The following HYAL4 variants were observed in gnomAD, a reference collection of about 807,000 sequenced individuals.
The protein encoded by HYAL4 is hyaluronidase 4.
Under a neutral mutation model 35.2 loss-of-function variants are expected in HYAL4, and 37 were observed. The observed-to-expected ratio is 1.05, with a 90% CI of 0.81 to 1.38. HYAL4 has a LOEUF of 1.38. Among genes scored for constraint, HYAL4 ranks in the 40% most tolerant of loss-of-function variants. The pLI is 0.00. For missense variants in HYAL4, 572 were observed against 572.4 expected (o/e 1.00, Z 0.01); for synonymous variants, 198 against 203.2 (o/e 0.97, Z 0.22).
At chr7:123,870,266 A>G (rs1563004612) in intron 3 of HYAL4, among the ~76,000 whole-genome samples, 1 of 152,226 alleles carries the variant, frequency 6.6e-6, no homozygotes, top group Admixed American at 6.5e-5. Flanking sequence ...TCTTTGGAAC[A>G]TAAATGGAAT....
chr7:123,869,130 T>C lies in HYAL4; in HGVS notation c.857T>C (p.Met286Thr). Residue 286 changes from methionine (M) to threonine (T), a missense_variant, in exon 3 of 5, where the codon ATG becomes ACG. Transcript: ENST00000223026. ...RFSKFRVHES[M>T]RISTMTSHDY... is the part of the protein sequence containing the mutation. ...TCCAAATTTCGGGTGCATGAATCCA[T>C]GAGGATCTCCACCATGACATCTCAT... 6.2e-7 allele frequency: 1 copy of C among 1,614,170 alleles called. No individual in the cohort carries two copies.
the HYAL4 span, among the ~76,000 whole-genome samples, chr7:123,798,243 A>G: frequency 6.6e-6 from 1 of 152,228 alleles, no homozygotes; most frequent in Non-Finnish European, 1.5e-5. Flanking sequence ...TTAAGCCAGA[A>G]GTAAGGTCAA....
intron 1 of HYAL4, among the ~76,000 whole-genome samples, chr7:123,832,146 C>T (rs1159715936): frequency 6.6e-6 from 1 of 152,110 alleles, no homozygotes; most frequent in Non-Finnish European, 1.5e-5. Flanking sequence ...GGAACTGGTT[C>T]TGCTGTGTTG....
intron 4 of HYAL4, 83 bp from the exon 5 acceptor site, chr7:123,876,671 C>G: frequency 7.3e-7 from 1 of 1,373,508 alleles, no homozygotes; most frequent in South Asian, 1.3e-5. Context: ...CTATCAGTAC[C>G]AGCGAGAAAC....
chr7:123,775,015 C>A, the HYAL4 span, among the ~76,000 whole-genome samples: 1 of 152,188 alleles, frequency 6.6e-6, no homozygotes, highest in East Asian at 1.9e-4. Context: ...GGGAAAATAT[C>A]GTTTCCACTC....
the HYAL4 span, among the ~76,000 whole-genome samples, chr7:123,805,657 T>C: frequency 6.6e-6 from 1 of 152,098 alleles, no homozygotes; most frequent in Non-Finnish European, 1.5e-5. Flanking sequence ...AGGCATGATA[T>C]TTAATAAAAA....
At chr7:123,806,064 C>G in the HYAL4 span, among the ~76,000 whole-genome samples, 28 of 152,150 alleles carry the variant, frequency 1.8e-4, no homozygotes, top group East Asian at 5.2e-3. Context: ...GTATCCAAAA[C>G]AATTTTGCAA....
At chr7:123,768,747 C>T in the HYAL4 span, among the ~76,000 whole-genome samples, 1 of 152,166 alleles carries the variant, frequency 6.6e-6, no homozygotes, top group Non-Finnish European at 1.5e-5. Context: ...AACAATTTCT[C>T]CCTGAATTTT....
rs1445214578 is a variant in HYAL4, at chr7:123,868,355, A to G, written c.82A>G (p.Ile28Val). 3 of 1,604,018 alleles carry G rather than the reference A, an allele frequency of 1.9e-6. No individual in the cohort carries two copies. The change falls in exon 3 of 5, where the codon ATT becomes GTT. Residue 28 changes from isoleucine (I) to valine (V), a missense_variant. Coordinates refer to ENST00000223026, the MANE Select transcript of HYAL4 (RefSeq NM_012269.3). ...CACTTCATGGCTCCTTATATTTTTT[A>G]TTCTAAAGTCTATCTCTTGTCTAAA... Reference protein sequence around the residue: ...HLTSWLLIFFILKSISCLKPA... With the variant: ...HLTSWLLIFFVLKSISCLKPA...
upstream of HYAL4, among the ~76,000 whole-genome samples, chr7:123,841,625 A>G (rs1317775845): frequency 2.0e-5 from 3 of 151,770 alleles, no homozygotes; most frequent in African/African-American, 7.3e-5. Flanking sequence ...CTGGTCCTGG[A>G]CTTTTTTTTG....
chr7:123,844,821 C>T (rs150306433), upstream of HYAL4, among the ~76,000 whole-genome samples: 1,584 of 152,166 alleles, frequency 0.01, 10 homozygotes, highest in Middle Eastern at 0.027. Flanking sequence ...GCTCTGTGGG[C>T]GTGGGACCCA....
In HYAL4 at chr7:123,834,524, T is replaced by C. The variant is rs960025667; in HGVS notation, c.-257+5400T>C. ...GTTTTCTAGGCATGCAGTCATATCATCAGAAAACAGTGACATTGACTTCCT... is the reference window on the plus strand; with the variant it reads ...GTTTTCTAGGCATGCAGTCATATCACCAGAAAACAGTGACATTGACTTCCT... On this transcript the variant is annotated intron_variant, in intron 1 of 4. Transcript: ENST00000489978. 5.3e-5 allele frequency among the ~76,000 whole-genome samples: 8 copies of C among 152,166 alleles called. 1 individual carries two copies. The highest frequency in any genetic ancestry group is 5.2e-4 in the Admixed American group (8 of 15,272).
At chr7:123,784,156 C>T in the HYAL4 span, among the ~76,000 whole-genome samples, 56 of 152,172 alleles carry the variant, frequency 3.7e-4, no homozygotes, top group South Asian at 1.0e-3. Context: ...TTTTAAAGTA[C>T]GTCTAGTCTT....
chr7:123,786,856 C>G, the HYAL4 span, among the ~76,000 whole-genome samples: 1 of 151,792 alleles, frequency 6.6e-6, no homozygotes, highest in East Asian at 1.9e-4. Context: ...GCCTGTAATC[C>G]CAGCACTTTG....
the HYAL4 span, among the ~76,000 whole-genome samples, chr7:123,778,594 G>A: frequency 1.3e-5 from 2 of 151,708 alleles, no homozygotes; most frequent in Non-Finnish European, 2.9e-5. Flanking sequence ...TCCTAGTGAT[G>A]AGATGCAGGT....
the HYAL4 span, among the ~76,000 whole-genome samples, chr7:123,816,942 TAGTC>T: frequency 6.6e-6 from 1 of 152,230 alleles, no homozygotes; most frequent in African/African-American, 2.4e-5. Flanking sequence ...AATGTGATAT[TAGTC>T]AGTATAATGG....
chr7:123,836,222 TA>T (rs2116910654), intron 1 of HYAL4, among the ~76,000 whole-genome samples: 1 of 152,290 alleles, frequency 6.6e-6, no homozygotes, highest in South Asian at 2.1e-4. Context: ...TCTAATTTCT[TA>T]GGTCTAGTAG....
the HYAL4 span, among the ~76,000 whole-genome samples, chr7:123,777,919 G>GTT: frequency 7.3e-3 from 1,035 of 141,302 alleles, 7 homozygotes; most frequent in Middle Eastern, 0.019. Context: ...TTCTTCGTTA[G>GTT]TTTTTTTTTT....
At chr7:123,784,544 A>C in the HYAL4 span, among the ~76,000 whole-genome samples, 1 of 152,236 alleles carries the variant, frequency 6.6e-6, no homozygotes, top group Non-Finnish European at 1.5e-5. Context: ...GGTCAGAAAT[A>C]GGAAACCAGG....
Sources: allele counts gnomAD v4.1 joint callset (sites outside exome capture counted in the v4.1 genomes callset), GRCh38; gene constraint gnomAD v4.1.1; transcripts MANE v1.5; gene names NCBI Gene and HGNC (gene_info 2026-07-23, HGNC 2026-07-21).